Variants in DLGAP4 observed in about 807,000 individuals in gnomAD.
DLGAP4 encodes disks large-associated protein 4.
Under a neutral mutation model 86.9 loss-of-function variants are expected in DLGAP4, and 18 were observed. The observed-to-expected ratio is 0.21, with a 90% CI of 0.14 to 0.31. DLGAP4 has a LOEUF of 0.31. Among genes scored for constraint, DLGAP4 ranks in the 10% least tolerant of loss-of-function variants. DLGAP4 has a pLI of 1.00. For missense variants in DLGAP4, 1,085 were observed against 1,362.6 expected (o/e 0.80, Z 3.21); for synonymous variants, 548 against 574.3 (o/e 0.95, Z 0.65).
At chr20:36,470,774 CTG>C (rs1375719841) in intron 7 of DLGAP4, among the ~76,000 whole-genome samples, 3 of 152,116 alleles carry the variant, frequency 2.0e-5, no homozygotes, top group Non-Finnish European at 4.4e-5. Context: ...ATGTAAGTCT[CTG>C]TTGCAGGTTA....
intron 1 of DLGAP4, among the ~76,000 whole-genome samples, chr20:36,321,556 TC>T (rs1278054472): frequency 6.6e-6 from 1 of 152,262 alleles, no homozygotes; most frequent in Non-Finnish European, 1.5e-5. Flanking sequence ...TCACACGTGC[TC>T]AGCGCCTGGT....
chr20:36,469,702 G>A (rs922527493), intron 7 of DLGAP4, among the ~76,000 whole-genome samples: 2 of 149,980 alleles, frequency 1.3e-5, no homozygotes, highest in Non-Finnish European at 2.9e-5. Flanking sequence ...GCAGTGAGCC[G>A]AGATCGCGCC....
At chr20:36,441,411 A>G (rs758771138) in intron 5 of DLGAP4, among the ~76,000 whole-genome samples, 3 of 152,148 alleles carry the variant, frequency 2.0e-5, no homozygotes, top group Non-Finnish European at 4.4e-5. Context: ...TCACTTCCTC[A>G]GAGAGGCTGC....
chr20:36,404,701 T>G (rs1460228454), intron 2 of DLGAP4, among the ~76,000 whole-genome samples: 2 of 152,218 alleles, frequency 1.3e-5, no homozygotes. Flanking sequence ...GCTCTCTTAG[T>G]GAGCACTGGC....
At chr20:36,441,227 C>A (rs958446935) in intron 5 of DLGAP4, among the ~76,000 whole-genome samples, 2 of 152,224 alleles carry the variant, frequency 1.3e-5, no homozygotes, top group Non-Finnish European at 2.9e-5. Flanking sequence ...CCTGTTGGAT[C>A]CTGTCCCTTG....
chr20:36,355,019 G>A (rs567128523), intron 1 of DLGAP4, among the ~76,000 whole-genome samples: 13 of 152,166 alleles, frequency 8.5e-5, no homozygotes, highest in African/African-American at 3.1e-4. Flanking sequence ...CTGTTTACAC[G>A]CCATAAAATC....
chr20:36,361,403 G>A (rs2030514846), intron 1 of DLGAP4, among the ~76,000 whole-genome samples: 1 of 152,206 alleles, frequency 6.6e-6, no homozygotes, highest in South Asian at 2.1e-4. Flanking sequence ...GAGGAACCCT[G>A]AGTCGAATTC....
chr20:36,461,672 G>GC, intron 7 of DLGAP4: 2 of 47,816 alleles, frequency 4.2e-5, no homozygotes, highest in Non-Finnish European at 5.4e-5. Context: ...CGCCCGGCCC[G>GC]GCCCGGCCCT....
chr20:36,521,121 T>C (rs907246845), intron 10 of DLGAP4, among the ~76,000 whole-genome samples: 1 of 152,032 alleles, frequency 6.6e-6, no homozygotes, highest in African/African-American at 2.4e-5. Context: ...CATCTGGCTA[T>C]TTTTTGTATT....
At chr20:36,465,063 G>C (rs191217381) in intron 7 of DLGAP4, among the ~76,000 whole-genome samples, 2 of 151,960 alleles carry the variant, frequency 1.3e-5, no homozygotes, top group African/African-American at 2.4e-5. Flanking sequence ...TTTTAAATCT[G>C]GTGCACAGTA....
chr20:36,335,040 C>T (rs1382330252), intron 1 of DLGAP4, among the ~76,000 whole-genome samples: 2 of 152,132 alleles, frequency 1.3e-5, no homozygotes, highest in African/African-American at 4.8e-5. Flanking sequence ...TTTGAAAAGG[C>T]CTTTTAATTA....
intron 1 of DLGAP4, among the ~76,000 whole-genome samples, chr20:36,328,769 C>A (rs1283022987): frequency 6.6e-6 from 1 of 151,402 alleles, no homozygotes; most frequent in East Asian, 1.9e-4. Context: ...AGCCAGCACA[C>A]CCAGCTAATT....
intron 1 of DLGAP4, among the ~76,000 whole-genome samples, chr20:36,328,197 T>C (rs1238442061): frequency 1.3e-5 from 2 of 151,690 alleles, no homozygotes; most frequent in Non-Finnish European, 2.9e-5. Flanking sequence ...AGACTCTGTC[T>C]CAAGAAAATA....
chr20:36,366,875 C>T (rs926963253), intron 1 of DLGAP4, among the ~76,000 whole-genome samples, 170 bp from the exon 2 acceptor site: 6 of 152,130 alleles, frequency 3.9e-5, no homozygotes, highest in African/African-American at 1.2e-4. Context: ...TCACATGAGC[C>T]GGGATGCCAG....
chr20:36,397,283 G>A (rs187089349), intron 2 of DLGAP4, among the ~76,000 whole-genome samples: 1 of 152,292 alleles, frequency 6.6e-6, no homozygotes, highest in Non-Finnish European at 1.5e-5. Context: ...TAATTCAGGG[G>A]TTCTGGGAAC....
intron 10 of DLGAP4, among the ~76,000 whole-genome samples, chr20:36,521,968 A>C (rs889937307): frequency 6.6e-6 from 1 of 152,098 alleles, no homozygotes; most frequent in African/African-American, 2.4e-5. Flanking sequence ...ATTGTGAGAG[A>C]CGGGCCAGGA....
chr20:36,521,981 G>C (rs2037406635), intron 10 of DLGAP4, among the ~76,000 whole-genome samples: 1 of 152,172 alleles, frequency 6.6e-6, no homozygotes, highest in Non-Finnish European at 1.5e-5. Flanking sequence ...GGCCAGGACT[G>C]TGTCCCAGGC....
chr20:36,495,867 GTGTT>G (rs751146631), intron 7 of DLGAP4, among the ~76,000 whole-genome samples: 88 of 152,138 alleles, frequency 5.8e-4, no homozygotes, highest in Middle Eastern at 3.4e-3. Context: ...GTTTGTTCAT[GTGTT>G]TGTTTGTTTG....
intron 10 of DLGAP4, among the ~76,000 whole-genome samples, chr20:36,508,482 A>G (rs2036513284): frequency 7.4e-6 from 1 of 135,854 alleles, no homozygotes; most frequent in Non-Finnish European, 1.5e-5. Flanking sequence ...TCTGGAGTGC[A>G]ATGGCGCGAT....
Sources: gnomAD v4.1 joint callset for allele counts (sites outside exome capture counted in the v4.1 genomes callset) on GRCh38, gnomAD v4.1.1 for gene constraint, MANE v1.5 for transcripts, NCBI Gene and HGNC (gene_info 2026-07-23, HGNC 2026-07-21) for gene names.